AOPEP: variants seen among roughly 807,000 people sequenced by gnomAD.
The protein encoded by AOPEP is aminopeptidase O.
In AOPEP, 77 loss-of-function variants were observed where a neutral mutation model predicts 98.1. That is an observed-to-expected ratio of 0.78 (90% CI 0.65 to 0.95). The LOEUF (loss-of-function observed/expected upper bound fraction) is 0.95, where lower values mean the gene tolerates loss of function less well. Ranked by LOEUF, AOPEP falls within the 40% of genes least tolerant of loss-of-function variation. AOPEP has a pLI of 0.00. For missense variants in AOPEP, 1,024 were observed against 1,024.7 expected (o/e 1.00, Z 0.01); for synonymous variants, 346 against 365.3 (o/e 0.95, Z 0.60).
chr9:94,792,665 C>A, intron 3 of AOPEP, 100 bp from the exon 4 acceptor site: 2 of 1,188,308 alleles, frequency 1.7e-6, no homozygotes, highest in Admixed American at 2.4e-5. Flanking sequence ...CTCTTACCAG[C>A]TTATCACAAA....
chr9:95,120,049 T>A, the AOPEP span, among the ~76,000 whole-genome samples: 6 of 152,192 alleles, frequency 3.9e-5, no homozygotes, highest in African/African-American at 1.2e-4. Context: ...AATTTATCCA[T>A]TTTTTCCTAT....
chr9:94,782,481 TGGG>T (rs1843510672), intron 3 of AOPEP, among the ~76,000 whole-genome samples: 1 of 152,192 alleles, frequency 6.6e-6, no homozygotes, highest in Non-Finnish European at 1.5e-5. Flanking sequence ...TGACTTTGTG[TGGG>T]AAATTCCAGG....
the AOPEP span, among the ~76,000 whole-genome samples, chr9:95,130,299 TGAGAGAGA>T: frequency 4.0e-5 from 6 of 149,192 alleles, no homozygotes; most frequent in Non-Finnish European, 8.9e-5. Flanking sequence ...TGTGTGTGTG[TGAGAGAGA>T]GAGAGAGAGA....
chr9:95,017,769 A>G (rs933984712), intron 13 of AOPEP, among the ~76,000 whole-genome samples: 12 of 152,244 alleles, frequency 7.9e-5, no homozygotes, highest in African/African-American at 2.9e-4. Flanking sequence ...TCCATCACCC[A>G]GAAAGTTCCT....
At chr9:95,097,523 G>C in the AOPEP span, among the ~76,000 whole-genome samples, 1 of 152,218 alleles carries the variant, frequency 6.6e-6, no homozygotes, top group South Asian at 2.1e-4. Context: ...TGGGCAGCAC[G>C]ACTGGCCTTG....
At position 94,761,571 on chromosome 9, in the gene AOPEP, C is replaced by T. The variant is rs561577003; in HGVS notation, c.797+991C>T. On this transcript the variant is annotated intron_variant, in intron 2 of 16. Transcript: ENST00000375315. Reference sequence around the variant, plus strand: ...TCTTCGGCAATTGCTTACATGTCTCCCTCAATTCATCCCCCAAAACACCTT... The same window carrying T: ...TCTTCGGCAATTGCTTACATGTCTCTCTCAATTCATCCCCCAAAACACCTT... Among the ~76,000 whole-genome samples, 3 of 152,160 alleles carry T rather than the reference C, an allele frequency of 2.0e-5. No homozygotes were observed. In the South Asian group the frequency reaches 6.2e-4, roughly 32 times the overall value.
chr9:95,015,747 G>C (rs2062926384), intron 13 of AOPEP, among the ~76,000 whole-genome samples: 1 of 152,152 alleles, frequency 6.6e-6, no homozygotes, highest in Admixed American at 6.5e-5. Flanking sequence ...GCTGATAGCA[G>C]GATACAAATA....
chr9:95,112,434 G>C, the AOPEP span, among the ~76,000 whole-genome samples: 1 of 152,122 alleles, frequency 6.6e-6, no homozygotes, highest in African/African-American at 2.4e-5. Flanking sequence ...CACTGTCCTC[G>C]CCTCCCTGGA....
chr9:94,899,825 C>T (rs1287900645), intron 5 of AOPEP, among the ~76,000 whole-genome samples: 1 of 152,074 alleles, frequency 6.6e-6, no homozygotes, highest in Non-Finnish European at 1.5e-5. Context: ...CAACCCTTTT[C>T]AATAAGCATT....
chr9:94,811,827 C>T (rs1850669134), intron 5 of AOPEP, among the ~76,000 whole-genome samples: 1 of 152,192 alleles, frequency 6.6e-6, no homozygotes, highest in African/African-American at 2.4e-5. Context: ...TCCGATGGTC[C>T]AGGTTCATCT....
At chr9:95,009,717 A>G (rs1264471887) in intron 13 of AOPEP, among the ~76,000 whole-genome samples, 1 of 152,172 alleles carries the variant, frequency 6.6e-6, no homozygotes, top group Admixed American at 6.6e-5. Flanking sequence ...GCGCACTTCA[A>G]TGTTACCTTC....
Position 95,026,234 on chromosome 9 carries a change from A to T in AOPEP, c.2115+20618A>T, listed in dbSNP as rs184769550. On this transcript the variant is annotated intron_variant, in intron 13 of 16. Transcript: ENST00000375315. ...TTTAAGGCGTAATTTACGTGCCATA[A>T]ACAATTCACTGATTTTAAGTAAGTT... Among the ~76,000 whole-genome samples the T allele has an allele frequency of 1.1e-4, 16 of 152,298 alleles. No individual in the cohort carries two copies. The East Asian group carries it at 2.9e-3, about 28-fold the overall frequency.
At position 94,936,071 on chromosome 9, in the gene AOPEP, G is replaced by A. The variant is rs562780149; in HGVS notation, c.1661+7540G>A. 1.1e-4 allele frequency among the ~76,000 whole-genome samples: 16 copies of A among 152,214 alleles called. No individual in the cohort carries two copies. The South Asian group carries it at 3.3e-3, about 32-fold the overall frequency. Reference sequence around the variant, plus strand: ...CCTCTTCTCCACCCCTAATACCACTGTCTCTCTCTTCACCACTTGCTTGTA... The same window carrying A: ...CCTCTTCTCCACCCCTAATACCACTATCTCTCTCTTCACCACTTGCTTGTA... On this transcript the variant is annotated intron_variant, in intron 7 of 16. Transcript: ENST00000375315.
the AOPEP span, among the ~76,000 whole-genome samples, chr9:95,109,186 A>T: frequency 6.6e-6 from 1 of 152,210 alleles, no homozygotes; most frequent in African/African-American, 2.4e-5. Context: ...TGCTGAGATT[A>T]CAGGCATGAA....
intron 7 of AOPEP, chr9:94,933,671 C>T: frequency 1.0e-6 from 1 of 985,334 alleles, no homozygotes; most frequent in Non-Finnish European, 1.2e-6. Flanking sequence ...CTGCATGCCA[C>T]AAGTGTTGTG....
At chr9:94,929,363 G>T (rs1261172531) in intron 7 of AOPEP, among the ~76,000 whole-genome samples, 2 of 152,220 alleles carry the variant, frequency 1.3e-5, no homozygotes, top group Non-Finnish European at 2.9e-5. Context: ...TGCTGTTGTT[G>T]TTTGTTTTTA....
the AOPEP span, chr9:95,117,301 C>T: frequency 6.2e-7 from 1 of 1,612,922 alleles, no homozygotes; most frequent in Non-Finnish European, 8.5e-7. Context: ...TGGGCAAAGT[C>T]AACCCTAACT....
At chr9:94,794,152 A>C (rs1846390054) in intron 4 of AOPEP, among the ~76,000 whole-genome samples, 2 of 152,222 alleles carry the variant, frequency 1.3e-5, no homozygotes, top group Admixed American at 1.3e-4. Context: ...TGAGGCTTTA[A>C]AAAATTACTA....
chr9:94,983,512 A>G (rs2138805811), intron 11 of AOPEP, among the ~76,000 whole-genome samples: 1 of 152,292 alleles, frequency 6.6e-6, no homozygotes, highest in Non-Finnish European at 1.5e-5. Context: ...CATTGTTCAC[A>G]TCAATGCCAA....
Sources: gnomAD v4.1 joint callset for allele counts (sites outside exome capture counted in the v4.1 genomes callset) on GRCh38, gnomAD v4.1.1 for gene constraint, MANE v1.5 for transcripts, NCBI Gene and HGNC (gene_info 2026-07-23, HGNC 2026-07-21) for gene names.